The following CSMD1 variants were observed in gnomAD, a reference collection of about 807,000 sequenced individuals.
CSMD1 encodes the protein CUB and sushi domain-containing protein 1.
Under a neutral mutation model 417.5 loss-of-function variants are expected in CSMD1, and 213 were observed. The ratio of observed to expected loss-of-function variants is 0.51; its 90% confidence interval spans 0.46 to 0.57. The LOEUF (loss-of-function observed/expected upper bound fraction) is 0.57. Ranked by LOEUF, CSMD1 falls within the 20% of genes least tolerant of loss-of-function variation. The pLI is 0.00. For missense variants in CSMD1, 6,923 were observed against 4,529.7 expected (o/e 1.53, Z -15.17); for synonymous variants, 2,862 against 1,736.8 (o/e 1.65, Z -16.11).
chr8:4,350,778 T>G (rs1414447504), intron 3 of CSMD1, among the ~76,000 whole-genome samples: 1 of 152,202 alleles, frequency 6.6e-6, no homozygotes, highest in East Asian at 1.9e-4. Context: ...TTAAGTAGGT[T>G]ATTTTTAAAT....
At chr8:3,687,911 C>A (rs547481491) in intron 7 of CSMD1, among the ~76,000 whole-genome samples, 1 of 152,356 alleles carries the variant, frequency 6.6e-6, no homozygotes, top group East Asian at 1.9e-4. Flanking sequence ...GCTGTGAGCT[C>A]TGAGTAAATG....
intron 2 of CSMD1, among the ~76,000 whole-genome samples, chr8:4,593,526 C>T (rs6998447): frequency 0.17 from 25,678 of 151,934 alleles, 3,944 homozygotes; most frequent in African/African-American, 0.41. Flanking sequence ...TTATAAATAG[C>T]CCATAAAGTG....
In CSMD1 at chr8:4,173,587, G is replaced by C. The variant is rs991076464; in HGVS notation, c.416-141488C>G. 1.3e-5 allele frequency among the ~76,000 whole-genome samples: 2 copies of C among 152,050 alleles called. 1 individual carries two copies. Among genetic ancestry groups the C allele is most frequent in the Non-Finnish European group, 2.9e-5 (2 of 68,026 alleles). ...ATCAAATGATGTAACAATATGATTC[G>C]CTGGGTTTAAAAGTTATTAGATACA... On this transcript the variant is annotated intron_variant, in intron 3 of 69. Coordinates refer to ENST00000635120, the MANE Select transcript of CSMD1 (RefSeq NM_033225.6).
At chr8:4,130,698 G>C (rs10099471) in intron 3 of CSMD1, among the ~76,000 whole-genome samples, 16,825 of 149,570 alleles carry the variant, frequency 0.11, 1,118 homozygotes, top group East Asian at 0.3. Context: ...GAATTTTGGA[G>C]GGGAGTAGAT....
chr8:3,182,841 G>GGGGTGTGTGTGTGC (rs768081848), intron 36 of CSMD1: 1 of 11,470 alleles, frequency 8.7e-5, no homozygotes, highest in Non-Finnish European at 1.7e-4. Flanking sequence ...TTTATAAGAA[G>GGGGTGTGTGTGTGC]GTGTGTGTGT....
At chr8:4,087,485 C>G (rs1800480258) in intron 3 of CSMD1, among the ~76,000 whole-genome samples, 1 of 152,198 alleles carries the variant, frequency 6.6e-6, no homozygotes, top group Admixed American at 6.5e-5. Context: ...TCCAAACCAC[C>G]TGTAATGAAA....
At chr8:4,269,823 A>C (rs1804461262) in intron 3 of CSMD1, among the ~76,000 whole-genome samples, 1 of 152,200 alleles carries the variant, frequency 6.6e-6, no homozygotes, top group South Asian at 2.1e-4. Flanking sequence ...CAGAATTACA[A>C]GTAGTGCCAA....
intron 1 of CSMD1, among the ~76,000 whole-genome samples, chr8:4,677,133 CATAAA>C (rs1805743732): frequency 6.8e-6 from 1 of 146,564 alleles, no homozygotes; most frequent in Non-Finnish European, 1.5e-5. Flanking sequence ...ATATATGATA[CATAAA>C]ATAATATATA....
At chr8:4,374,968 G>GGGC (rs1554450696) in intron 3 of CSMD1, among the ~76,000 whole-genome samples, 18 of 133,982 alleles carry the variant, frequency 1.3e-4, no homozygotes, top group South Asian at 2.9e-4. Context: ...GGGTGGGGGG[G>GGGC]GGGGGCGATA....
At chr8:4,069,795 G>A (rs62501268) in intron 3 of CSMD1, among the ~76,000 whole-genome samples, 68 of 152,194 alleles carry the variant, frequency 4.5e-4, no homozygotes, top group Non-Finnish European at 7.5e-4. Flanking sequence ...TGTTAAACAC[G>A]TAATTACTCG....
At chr8:4,667,859 C>T (rs1314754929) in intron 1 of CSMD1, among the ~76,000 whole-genome samples, 3 of 152,084 alleles carry the variant, frequency 2.0e-5, no homozygotes, top group Non-Finnish European at 4.4e-5. Flanking sequence ...TTTTTCTAGC[C>T]TTAATGCACG....
Position 3,230,124 on chromosome 8 carries a change from A to G in CSMD1, c.4261T>C (p.Tyr1421His). 1.2e-6 allele frequency: 2 copies of G among 1,613,808 alleles called. No homozygotes were observed. The highest frequency in any genetic ancestry group is 1.7e-6 in the Non-Finnish European group (2 of 1,179,792). The change falls in exon 27 of 70, where the codon TAT becomes CAT. Residue 1421 changes from tyrosine (Y) to histidine (H), a missense_variant. Coordinates refer to ENST00000635120, the MANE Select transcript of CSMD1 (RefSeq NM_033225.6). ...ATTTTGGCTTGTCCTTGGAGCTGATAGCCAGGGTCACACTGGAATGTGACG... is the reference window on the plus strand; with the variant it reads ...ATTTTGGCTTGTCCTTGGAGCTGATGGCCAGGGTCACACTGGAATGTGACG... ...DTVTFQCDPG[Y>H]QLQGQAKITC...
At chr8:3,838,943 A>AAAT (rs1563132435) in intron 5 of CSMD1, among the ~76,000 whole-genome samples, 97 of 110,546 alleles carry the variant, frequency 8.8e-4, no homozygotes, top group African/African-American at 3.1e-3. Flanking sequence ...TATATAATAA[A>AAAT]AAATTAATAT....
At chr8:4,451,741 G>A (rs1209423212) in intron 2 of CSMD1, among the ~76,000 whole-genome samples, 4 of 151,828 alleles carry the variant, frequency 2.6e-5, no homozygotes, top group Non-Finnish European at 4.4e-5. Context: ...ACAACAACAA[G>A]GCATCGAATG....
intron 1 of CSMD1, among the ~76,000 whole-genome samples, chr8:4,902,325 C>A (rs1804935138): frequency 6.6e-6 from 1 of 151,224 alleles, no homozygotes; most frequent in African/African-American, 2.4e-5. Context: ...TAGTCCCAGC[C>A]ACTCAGGAGA....
At chr8:3,329,068 G>C (rs1806721534) in intron 23 of CSMD1, among the ~76,000 whole-genome samples, 1 of 152,170 alleles carries the variant, frequency 6.6e-6, no homozygotes, top group Admixed American at 6.5e-5. Flanking sequence ...TGGAATGGAG[G>C]TGGAAGATAT....
intron 3 of CSMD1, among the ~76,000 whole-genome samples, chr8:4,148,781 A>G (rs888401938): frequency 3.3e-5 from 5 of 152,062 alleles, no homozygotes; most frequent in Non-Finnish European, 7.4e-5. Context: ...TGAGTTTAGA[A>G]TTTCAACAGG....
intron 26 of CSMD1, among the ~76,000 whole-genome samples, chr8:3,270,267 A>C (rs983106014): frequency 3.3e-5 from 5 of 152,064 alleles, no homozygotes; most frequent in Non-Finnish European, 7.4e-5. Context: ...CATGTTGGCC[A>C]GGCTGGCCTT....
intron 33 of CSMD1, among the ~76,000 whole-genome samples, chr8:3,198,325 C>G (rs1796810549): frequency 6.6e-6 from 1 of 152,188 alleles, no homozygotes; most frequent in Non-Finnish European, 1.5e-5. Context: ...AGCCCAGTTT[C>G]TTTACACATC....
Sources: gnomAD v4.1 joint callset for allele counts (sites outside exome capture counted in the v4.1 genomes callset) on GRCh38, gnomAD v4.1.1 for gene constraint, MANE v1.5 for transcripts, NCBI Gene and HGNC (gene_info 2026-07-23, HGNC 2026-07-21) for gene names.